LNPK: variants seen among roughly 807,000 people sequenced by gnomAD.
LNPK encodes the protein endoplasmic reticulum junction formation protein lunapark.
In LNPK, 29 loss-of-function variants were observed where a neutral mutation model predicts 55.2. The observed-to-expected ratio is 0.53, with a 90% CI of 0.39 to 0.72. The LOEUF (loss-of-function observed/expected upper bound fraction) is 0.72, where lower values mean the gene tolerates loss of function less well. Ranked by LOEUF, LNPK falls within the 30% of genes least tolerant of loss-of-function variation. The pLI is 0.00. For synonymous variants in LNPK, 162 were observed against 168.2 expected, an observed-to-expected ratio of 0.96 and a Z score of 0.29; for missense variants, 467 against 494.8, an observed-to-expected ratio of 0.94 and a Z score of 0.53.
intron 8 of LNPK, among the ~76,000 whole-genome samples, chr2:175,960,353 A>T (rs1358530897): frequency 2.0e-5 from 3 of 152,192 alleles, no homozygotes; most frequent in Non-Finnish European, 4.4e-5. Context: ...AATCACAACA[A>T]ACTGTCTCTC....
chr2:175,978,405 A>G (rs1363052029), intron 5 of LNPK, among the ~76,000 whole-genome samples: 1 of 152,188 alleles, frequency 6.6e-6, no homozygotes, highest in Non-Finnish European at 1.5e-5. Context: ...ATCTGTTTAC[A>G]TCTATTTTCT....
intron 5 of LNPK, among the ~76,000 whole-genome samples, chr2:175,974,706 A>G (rs1049479442): frequency 6.6e-6 from 1 of 152,212 alleles, no homozygotes; most frequent in Non-Finnish European, 1.5e-5. Flanking sequence ...TTGTAAAACA[A>G]AACAAGTAAA....
At chr2:175,992,474 A>G (rs529957847) in intron 3 of LNPK, 56 bp from the exon 4 acceptor site, 3 of 1,091,382 alleles carry the variant, frequency 2.7e-6, no homozygotes, top group Non-Finnish European at 3.8e-6. Flanking sequence ...AAAGAAATTA[A>G]AATGTTAAAA....
At chr2:175,943,494 A>C (rs1000010144) in intron 9 of LNPK, among the ~76,000 whole-genome samples, 2 of 152,090 alleles carry the variant, frequency 1.3e-5, no homozygotes, top group Admixed American at 1.3e-4. Context: ...ATTCCTAATG[A>C]GTATTGATAT....
chr2:175,980,635 G>A (rs774133187), intron 4 of LNPK, among the ~76,000 whole-genome samples: 9 of 152,100 alleles, frequency 5.9e-5, no homozygotes, highest in African/African-American at 2.2e-4. Context: ...GGCTGGGCAC[G>A]GTGGCTCACG....
In LNPK at chr2:175,947,654, G is replaced by C. The variant is rs747035664; in HGVS notation, c.532C>G (p.Pro178Ala). The C allele has an allele frequency of 4.8e-5, 77 of 1,613,478 alleles. No individual in the cohort carries two copies. Among genetic ancestry groups the C allele is most frequent in the Non-Finnish European group, 6.1e-5 (72 of 1,179,798 alleles). The change falls in exon 9 of 13, where the codon CCA becomes GCA. Residue 178 changes from proline to alanine, a missense_variant. Pro to Ala is a conservative substitution (Grantham distance 27, BLOSUM62 -1). Transcript: ENST00000272748. ...CCCTGGTTAGGGCTTGCTGGTGTTGGAGAAAGGTTTCTTTGAGCTGCAGTT... is the reference window on the plus strand; with the variant it reads ...CCCTGGTTAGGGCTTGCTGGTGTTGCAGAAAGGTTTCTTTGAGCTGCAGTT... ...QRTAAQRNLS[P>A]TPASPNQGPP...
At chr2:175,971,115 C>T (rs888263749) in intron 5 of LNPK, among the ~76,000 whole-genome samples, 2 of 151,870 alleles carry the variant, frequency 1.3e-5, no homozygotes, top group African/African-American at 4.8e-5. Flanking sequence ...TTTCTTTTTC[C>T]TTTCAACACC....
chr2:175,945,134 G>GGTGTTCAA (rs1365008660), intron 9 of LNPK, among the ~76,000 whole-genome samples: 1 of 151,550 alleles, frequency 6.6e-6, no homozygotes, highest in Non-Finnish European at 1.5e-5. Context: ...CCTGACCTCA[G>GGTGTTCAA]GTGATCTGCC....
At chr2:175,965,720 C>T (rs1172471887) in intron 6 of LNPK, among the ~76,000 whole-genome samples, 1 of 151,596 alleles carries the variant, frequency 6.6e-6, no homozygotes. Flanking sequence ...TTTCCTATTT[C>T]AAAATTATTA....
intron 6 of LNPK, among the ~76,000 whole-genome samples, chr2:175,965,124 T>TTGCTCAAATGACTTTAAA (rs1346458657): frequency 2.0e-5 from 3 of 152,192 alleles, no homozygotes; most frequent in African/African-American, 7.2e-5. Flanking sequence ...GCCATGGAAT[T>TTGCTCAAATGACTTTAAA]TGCTCAAATG....
intron 4 of LNPK, among the ~76,000 whole-genome samples, chr2:175,991,766 T>C (rs1004265853): frequency 1.3e-4 from 20 of 152,222 alleles, no homozygotes; most frequent in Admixed American, 2.6e-4. Context: ...ACGCCTCCTA[T>C]ACAGTGCTAT....
At position 175,947,548 on chromosome 2, in the gene LNPK, G is replaced by C. The variant is rs1324165706; in HGVS notation, c.638C>G (p.Thr213Ser). ...APGGPPERTV[T>S]PALSSNVLPR... ...TAACACATTTGATGATAGGGCTGGA[G>C]TAACAGTCCTTTCTGGGGGTCCACC... The change falls in exon 9 of 13, where the codon ACT (threonine) becomes AGT (serine). Residue 213 changes from threonine to serine, a missense_variant. Coordinates refer to ENST00000272748, the MANE Select transcript of LNPK (RefSeq NM_030650.3). 1.7e-5 allele frequency: 28 copies of C among 1,613,946 alleles called. No homozygotes were observed. The highest frequency in any genetic ancestry group is 2.3e-5 in the Non-Finnish European group (27 of 1,179,962).
rs566199983 is a variant in LNPK, at chr2:175,991,840, C to T, written c.257+391G>A. Among the ~76,000 whole-genome samples the T allele has an allele frequency of 5.9e-5, 9 of 152,098 alleles. No individual in the cohort carries two copies. In the South Asian group the frequency reaches 8.3e-4, roughly 14 times the overall value. ...TAGCAGTGACCATATAGCAGTAAAA[C>T]GAAGGGAAGAGAGTTGAGGTGAATA... On this transcript the variant is annotated intron_variant, in intron 4 of 12. Coordinates refer to ENST00000272748, the MANE Select transcript of LNPK (RefSeq NM_030650.3).
At chr2:175,949,691 TAA>T (rs1478836576) in intron 8 of LNPK, among the ~76,000 whole-genome samples, 3 of 151,946 alleles carry the variant, frequency 2.0e-5, no homozygotes, top group Non-Finnish European at 4.4e-5. Flanking sequence ...AAGCATTCCA[TAA>T]AAGAGATGTA....
intron 8 of LNPK, among the ~76,000 whole-genome samples, chr2:175,952,302 A>G (rs188272568): frequency 4.1e-4 from 63 of 152,074 alleles, no homozygotes; most frequent in African/African-American, 1.3e-3. Context: ...TCACATATGC[A>G]AATGTGGAAA....
At chr2:175,945,167 G>A (rs556683456) in intron 9 of LNPK, among the ~76,000 whole-genome samples, 2 of 150,512 alleles carry the variant, frequency 1.3e-5, no homozygotes, top group African/African-American at 2.4e-5. Context: ...CCAAAGTGCC[G>A]GGATTACAGG....
intron 8 of LNPK, among the ~76,000 whole-genome samples, chr2:175,947,912 A>C (rs1197973683): frequency 6.6e-6 from 1 of 152,194 alleles, no homozygotes; most frequent in Non-Finnish European, 1.5e-5. Context: ...CCATGATCTA[A>C]GTGTAGCTAC....
intron 8 of LNPK, among the ~76,000 whole-genome samples, chr2:175,962,127 C>A (rs1446814576): frequency 6.6e-6 from 1 of 152,124 alleles, no homozygotes; most frequent in Non-Finnish European, 1.5e-5. Context: ...GGACATACTG[C>A]CTAAGGTAAT....
intron 8 of LNPK, among the ~76,000 whole-genome samples, chr2:175,952,016 GC>G (rs1336475020): frequency 6.6e-6 from 1 of 151,654 alleles, no homozygotes; most frequent in East Asian, 1.9e-4. Context: ...CATGTTTGTT[GC>G]CCATTTGTAT....
Sources: allele counts gnomAD v4.1 joint callset (sites outside exome capture counted in the v4.1 genomes callset), GRCh38; gene constraint gnomAD v4.1.1; transcripts MANE v1.5; gene names NCBI Gene and HGNC (gene_info 2026-07-23, HGNC 2026-07-21).